PRKN: variants seen among roughly 807,000 people sequenced by gnomAD.
PRKN encodes the protein E3 ubiquitin-protein ligase parkin.
In PRKN, 56 loss-of-function variants were observed where a neutral mutation model predicts 59.5. The ratio of observed to expected loss-of-function variants is 0.94; its 90% CI spans 0.76 to 1.18. The LOEUF is 1.18. Ranked by LOEUF, PRKN falls within the 50% of genes most tolerant of loss-of-function variation. PRKN has a pLI of 0.00. For missense variants in PRKN, 657 were observed against 596.4 expected (o/e 1.10, Z -1.06); for synonymous variants, 250 against 222.1 (o/e 1.13, Z -1.12).
At chr6:161,841,114 C>T (rs1026140049) in intron 6 of PRKN, among the ~76,000 whole-genome samples, 1 of 152,140 alleles carries the variant, frequency 6.6e-6, no homozygotes, top group Non-Finnish European at 1.5e-5. Flanking sequence ...AAGACACATG[C>T]ATATGTTTGT....
intron 6 of PRKN, among the ~76,000 whole-genome samples, chr6:161,943,715 GATCAGCCTGAGGA>G (rs1779652612): frequency 6.6e-6 from 1 of 150,434 alleles, no homozygotes; most frequent in South Asian, 2.1e-4. Flanking sequence ...CAGCCTGAGG[GATCAGCCTGAGGA>G]AATACCCTGA....
chr6:162,476,562 A>G (rs1792027889), intron 1 of PRKN, among the ~76,000 whole-genome samples: 1 of 152,222 alleles, frequency 6.6e-6, no homozygotes, highest in African/African-American at 2.4e-5. Context: ...AATAAACAAT[A>G]GGTAATGATA....
chr6:161,631,320 T>TA (rs2128154713), intron 7 of PRKN, among the ~76,000 whole-genome samples: 1 of 152,234 alleles, frequency 6.6e-6, no homozygotes, highest in African/African-American at 2.4e-5. Flanking sequence ...AGCACTAGAG[T>TA]ACCAATAAGC....
chr6:161,807,892 C>CT (rs1314948650), intron 6 of PRKN, among the ~76,000 whole-genome samples: 2 of 152,210 alleles, frequency 1.3e-5, no homozygotes, highest in African/African-American at 4.8e-5. Flanking sequence ...GGCCCAACAT[C>CT]TTTTTCTGGG....
At chr6:161,980,095 A>C (rs1784581) in intron 5 of PRKN, among the ~76,000 whole-genome samples, 55,423 of 152,082 alleles carry the variant, frequency 0.36, 10,525 homozygotes, top group South Asian at 0.51. Context: ...CACAGTCCTA[A>C]TATGGTCAAA....
chr6:161,750,142 C>CACACACACATAT (rs765990689), intron 7 of PRKN, among the ~76,000 whole-genome samples: 3 of 137,066 alleles, frequency 2.2e-5, no homozygotes, highest in African/African-American at 8.1e-5. Flanking sequence ...CACACACACA[C>CACACACACATAT]ATATATAAAT....
chr6:162,392,288 A>C (rs1163892438), intron 2 of PRKN, among the ~76,000 whole-genome samples: 2 of 152,100 alleles, frequency 1.3e-5, no homozygotes, highest in Non-Finnish European at 2.9e-5. Context: ...CCTCATGGAG[A>C]CCACACAGAG....
intron 1 of PRKN, among the ~76,000 whole-genome samples, chr6:162,485,541 A>G (rs763289792): frequency 6.6e-6 from 1 of 152,334 alleles, no homozygotes; most frequent in South Asian, 2.1e-4. Flanking sequence ...ATAGTAAATT[A>G]GCACTTGACT....
intron 6 of PRKN, among the ~76,000 whole-genome samples, chr6:161,896,278 A>T (rs1665380283): frequency 2.0e-5 from 3 of 152,186 alleles, no homozygotes; most frequent in African/African-American, 2.4e-5. Context: ...AATAGAAGAC[A>T]GTGGAAGTGC....
chr6:161,891,156 G>A (rs529967046), intron 6 of PRKN, among the ~76,000 whole-genome samples: 9 of 152,284 alleles, frequency 5.9e-5, no homozygotes, highest in South Asian at 2.1e-4. Flanking sequence ...GAACTTGGCC[G>A]TGTTTAAAAG....
rs1303964204 is a variant in PRKN at position 161,388,063 on chromosome 6, C to T, written c.1084-1186G>A. On this transcript the variant is annotated intron_variant, in intron 9 of 11. Transcript: ENST00000366898. This position sits in a 1 kb window ranked among gnomAD's most constrained non-coding sequence, Gnocchi z 4.3. ...CATGGACCTCTCCTGAAAGCACGTC[C>T]CATTCTCATCGCCACCAGCCATGCT... 2.0e-5 allele frequency among the ~76,000 whole-genome samples: 3 copies of T among 152,196 alleles called. No homozygotes were observed. Among genetic ancestry groups the T allele is most frequent in the Non-Finnish European group, 4.4e-5 (3 of 68,030 alleles).
At chr6:162,664,036 T>C (rs1584007117) in intron 1 of PRKN, among the ~76,000 whole-genome samples, 1 of 151,980 alleles carries the variant, frequency 6.6e-6, no homozygotes, top group East Asian at 1.9e-4. Context: ...GTCCTCGAAG[T>C]TCCTTCCCCT....
At chr6:161,431,674 G>A (rs1319376988) in intron 9 of PRKN, among the ~76,000 whole-genome samples, 1 of 151,168 alleles carries the variant, frequency 6.6e-6, no homozygotes, top group Non-Finnish European at 1.5e-5. Context: ...GTGCAATGGC[G>A]CGATCTTGGC....
intron 7 of PRKN, among the ~76,000 whole-genome samples, chr6:161,705,530 G>A (rs981950502): frequency 5.3e-5 from 8 of 151,896 alleles, no homozygotes; most frequent in Non-Finnish European, 1.0e-4. Context: ...AGCCTCAAAG[G>A]GTTACTATGT....
chr6:161,909,056 C>T (rs1290298798), intron 6 of PRKN, among the ~76,000 whole-genome samples: 1 of 152,194 alleles, frequency 6.6e-6, no homozygotes, highest in African/African-American at 2.4e-5. Flanking sequence ...TGAGTCAATG[C>T]ACGAGGCTCT....
intron 4 of PRKN, among the ~76,000 whole-genome samples, chr6:162,069,433 G>A (rs1249926502): frequency 6.6e-6 from 1 of 152,132 alleles, no homozygotes; most frequent in Non-Finnish European, 1.5e-5. Context: ...GACTAATACA[G>A]GAGATATTAA....
At chr6:162,172,323 T>C (rs1403711294) in intron 4 of PRKN, among the ~76,000 whole-genome samples, 3 of 152,166 alleles carry the variant, frequency 2.0e-5, no homozygotes, top group East Asian at 3.9e-4. Context: ...CATCCTGTAC[T>C]AGACAATTTT....
At chr6:162,279,449 G>A (rs571397414) in intron 2 of PRKN, among the ~76,000 whole-genome samples, 104 of 151,442 alleles carry the variant, frequency 6.9e-4, no homozygotes, top group Non-Finnish European at 1.2e-3. Flanking sequence ...GAAAGAAAGA[G>A]ACAGAAACAA....
At chr6:162,210,607 T>A (rs1785162302) in intron 3 of PRKN, among the ~76,000 whole-genome samples, 1 of 152,168 alleles carries the variant, frequency 6.6e-6, no homozygotes, top group Non-Finnish European at 1.5e-5. Flanking sequence ...AACCAAATCC[T>A]TTACAATTAA....
Sources: gnomAD v4.1 joint callset for allele counts (sites outside exome capture counted in the v4.1 genomes callset) on GRCh38, gnomAD v4.1.1 for gene constraint, Gnocchi (gnomAD v3.1) non-coding constraint, MANE v1.5 for transcripts, NCBI Gene and HGNC (gene_info 2026-07-23, HGNC 2026-07-21) for gene names.